Variants in VWA3B observed in about 807,000 individuals in gnomAD.
The protein encoded by VWA3B is von Willebrand factor A domain-containing protein 3B.
A neutral mutation model predicts 158.3 loss-of-function variants in VWA3B; 138 were observed. The observed-to-expected ratio is 0.87, with a 90% confidence interval of 0.76 to 1.00. The LOEUF is 1.00. Among genes scored for constraint, VWA3B ranks in the 50% least tolerant of loss-of-function variants. The pLI, the probability that VWA3B is intolerant of heterozygous loss-of-function variation, is 0.00. For synonymous variants in VWA3B, 596 were observed against 587.3 expected (o/e 1.01, Z -0.21); for missense variants, 1,555 against 1,565.1 (o/e 0.99, Z 0.11).
At chr2:98,311,773 C>G (rs2106029088) in intron 26 of VWA3B, 46 bp from the exon 27 acceptor site, 1 of 1,504,762 alleles carries the variant, frequency 6.6e-7, no homozygotes, top group South Asian at 1.4e-5. Context: ...TCTGTAGACC[C>G]CGCAGCCATC....
chr2:98,143,309 G>A (rs1676928547), intron 7 of VWA3B, among the ~76,000 whole-genome samples: 2 of 152,260 alleles, frequency 1.3e-5, no homozygotes, highest in South Asian at 4.1e-4. Context: ...AAAGTGTTGG[G>A]ATTACAGGCG....
chr2:98,262,869 T>C (rs1051903531), intron 21 of VWA3B, among the ~76,000 whole-genome samples: 3 of 151,948 alleles, frequency 2.0e-5, no homozygotes, highest in Admixed American at 1.3e-4. Context: ...TACATCACTT[T>C]AGGTAGTATG....
At chr2:98,206,845 G>A (rs942329395) in intron 12 of VWA3B, 7 of 383,880 alleles carry the variant, frequency 1.8e-5, no homozygotes, top group Non-Finnish European at 3.0e-5. Flanking sequence ...ATCTGGGTTT[G>A]CTGGTGTTTT....
chr2:98,214,996 C>A (rs1683853968), intron 13 of VWA3B, among the ~76,000 whole-genome samples: 1 of 152,146 alleles, frequency 6.6e-6, no homozygotes, highest in Admixed American at 6.5e-5. Flanking sequence ...AATTCTTGAT[C>A]TACAGTCCAG....
intron 12 of VWA3B, among the ~76,000 whole-genome samples, chr2:98,208,861 G>A (rs549946574): frequency 2.6e-5 from 4 of 152,146 alleles, no homozygotes; most frequent in African/African-American, 9.6e-5. Flanking sequence ...GAAAGTCCAG[G>A]CTTTTTTCTT....
intron 25 of VWA3B, among the ~76,000 whole-genome samples, chr2:98,303,422 GT>G (rs1690319544): frequency 1.4e-4 from 5 of 35,536 alleles, no homozygotes; most frequent in Non-Finnish European, 3.2e-4. Context: ...TTATGTGAAG[GT>G]GTGTGTGTGT....
chr2:98,221,871 C>T (rs1195668316), intron 14 of VWA3B, among the ~76,000 whole-genome samples: 4 of 152,116 alleles, frequency 2.6e-5, no homozygotes, highest in Non-Finnish European at 5.9e-5. Flanking sequence ...TTGTGCTTCA[C>T]CAGAGTCCTC....
intron 2 of VWA3B, among the ~76,000 whole-genome samples, chr2:98,106,136 C>T (rs182598739): frequency 2.6e-5 from 4 of 152,186 alleles, no homozygotes; most frequent in Admixed American, 1.3e-4. Flanking sequence ...AGTATGGTCT[C>T]GATCTCCTGA....
the VWA3B span, among the ~76,000 whole-genome samples, chr2:98,326,590 A>C: frequency 6.6e-6 from 1 of 151,882 alleles, no homozygotes; most frequent in Admixed American, 6.6e-5. Flanking sequence ...GTAAGACCCC[A>C]TCTCTACAAA....
At chr2:98,231,605 A>G (rs1316081588) in intron 16 of VWA3B, among the ~76,000 whole-genome samples, 2 of 152,218 alleles carry the variant, frequency 1.3e-5, no homozygotes, top group African/African-American at 4.8e-5. Context: ...TTTAAATGTA[A>G]AACAGAAAAC....
At chr2:98,183,881 T>C (rs2105365803) in intron 9 of VWA3B, among the ~76,000 whole-genome samples, 1 of 152,366 alleles carries the variant, frequency 6.6e-6, no homozygotes, top group South Asian at 2.1e-4. Context: ...CTGAGCACAG[T>C]GCCCGGCACA....
the VWA3B span, among the ~76,000 whole-genome samples, chr2:98,325,981 A>C: frequency 6.6e-6 from 1 of 152,222 alleles, no homozygotes; most frequent in Non-Finnish European, 1.5e-5. Context: ...CAGTCATATA[A>C]AGTGTGTTCT....
chr2:98,278,592 G>A (rs1268084511), intron 22 of VWA3B, among the ~76,000 whole-genome samples: 2 of 151,494 alleles, frequency 1.3e-5, no homozygotes, highest in Non-Finnish European at 2.9e-5. Context: ...TTCCCCTGGG[G>A]TTCAGCCATC....
At chr2:98,273,509 C>T (rs1285142711) in intron 22 of VWA3B, among the ~76,000 whole-genome samples, 1 of 152,180 alleles carries the variant, frequency 6.6e-6, no homozygotes, top group Non-Finnish European at 1.5e-5. Context: ...ATTTACCTTC[C>T]TCGCCTGCAT....
chr2:98,194,253 A>T, intron 11 of VWA3B, 108 bp from the exon 12 acceptor site: 1 of 1,158,150 alleles, frequency 8.6e-7, no homozygotes, highest in Non-Finnish European at 1.2e-6. Flanking sequence ...TTGCTTCTTG[A>T]ACTGAAAATA....
chr2:98,136,040 A>G (rs1676257765), intron 7 of VWA3B, among the ~76,000 whole-genome samples: 1 of 152,070 alleles, frequency 6.6e-6, no homozygotes, highest in Admixed American at 6.5e-5. Context: ...AGAGACTCTC[A>G]AGTAAGGGGT....
chr2:98,295,717 C>T (rs1047516493), intron 23 of VWA3B, among the ~76,000 whole-genome samples: 3 of 152,212 alleles, frequency 2.0e-5, no homozygotes, highest in African/African-American at 4.8e-5. Flanking sequence ...CACAGCCTCA[C>T]CTCTCAAGGC....
chr2:98,137,747 T>G (rs1200442504), intron 7 of VWA3B, among the ~76,000 whole-genome samples: 1 of 152,200 alleles, frequency 6.6e-6, no homozygotes, highest in Non-Finnish European at 1.5e-5. Flanking sequence ...CAAAGTTACT[T>G]TCTCACATTT....
chr2:98,173,328 A>G (rs1035827277), intron 8 of VWA3B, among the ~76,000 whole-genome samples: 5 of 152,148 alleles, frequency 3.3e-5, no homozygotes, highest in Non-Finnish European at 5.9e-5. Context: ...GCCTTTATAT[A>G]TGTAGAGCTC....
Sources: allele counts gnomAD v4.1 joint callset (sites outside exome capture counted in the v4.1 genomes callset), GRCh38; gene constraint gnomAD v4.1.1; transcripts MANE v1.5; gene names NCBI Gene and HGNC (gene_info 2026-07-23, HGNC 2026-07-21).